The following CTNNA2 variants were observed in gnomAD, a reference collection of about 807,000 sequenced individuals.
The protein encoded by CTNNA2 is catenin alpha 2.
In CTNNA2, 42 loss-of-function variants were observed where a neutral mutation model predicts 101.0. The observed-to-expected ratio is 0.42, with a 90% confidence interval of 0.32 to 0.54. CTNNA2 has a LOEUF of 0.54. Among genes scored for constraint, CTNNA2 ranks in the 20% least tolerant of loss-of-function variants. CTNNA2 has a pLI of 0.14. For synonymous variants in CTNNA2, 450 were observed against 456.4 expected, an observed-to-expected ratio of 0.99 and a Z score of 0.18; for missense variants, 871 against 1,223.1, an observed-to-expected ratio of 0.71 and a Z score of 4.29.
At chr2:79,788,975 GTAA>G (rs1426227202) in intron 3 of CTNNA2, among the ~76,000 whole-genome samples, 2 of 152,142 alleles carry the variant, frequency 1.3e-5, no homozygotes, top group African/African-American at 4.8e-5. Flanking sequence ...ATAAACATAT[GTAA>G]TAATGATACA....
chr2:79,815,026 G>T (rs1188669617), intron 3 of CTNNA2, among the ~76,000 whole-genome samples: 1 of 152,104 alleles, frequency 6.6e-6, no homozygotes, highest in East Asian at 1.9e-4. Context: ...CTAATTATTG[G>T]TGATGTTGAG....
intron 3 of CTNNA2, among the ~76,000 whole-genome samples, chr2:79,748,800 G>A (rs1222635369): frequency 6.6e-6 from 1 of 151,954 alleles, no homozygotes; most frequent in African/African-American, 2.4e-5. Flanking sequence ...TTTTCAGTAT[G>A]AGTGGTGACT....
At chr2:79,348,883 A>T (rs1246661105) in intron 3 of CTNNA2, among the ~76,000 whole-genome samples, 1 of 152,158 alleles carries the variant, frequency 6.6e-6, no homozygotes, top group Non-Finnish European at 1.5e-5. Flanking sequence ...TCATGGTTAA[A>T]TACAAAGCAG....
Position 80,302,994 on chromosome 2 carries a change from A to G in CTNNA2, c.1057-90217A>G. On this transcript the variant is annotated intron_variant, in intron 7 of 18. Transcript: ENST00000402739. This position sits in a 1 kb window ranked among gnomAD's most constrained non-coding sequence, Gnocchi z 6.4. The stretch of plus-strand genomic sequence containing the variant: ...GACTGCAGGTGCGGCACGGTCTCGA[A>G]CACATGGGGCTCCATGTACTCGATC... 2 of 1,611,174 alleles carry G rather than the reference A, an allele frequency of 1.2e-6. No individual in the cohort carries two copies. Among genetic ancestry groups the G allele is most frequent in the Non-Finnish European group, 1.7e-6 (2 of 1,179,558 alleles).
intron 2 of CTNNA2, among the ~76,000 whole-genome samples, chr2:79,226,569 C>T (rs1413121299): frequency 6.6e-6 from 1 of 152,148 alleles, no homozygotes; most frequent in Non-Finnish European, 1.5e-5. Context: ...ACGTTGTGTT[C>T]AGGTGCCAGA....
At chr2:80,361,529 A>G (rs905081280) in intron 7 of CTNNA2, among the ~76,000 whole-genome samples, 2 of 152,106 alleles carry the variant, frequency 1.3e-5, no homozygotes, top group African/African-American at 4.8e-5. Flanking sequence ...TCTTATTTCT[A>G]AGACAACACA....
At chr2:80,312,669 A>G (rs1195121552) in intron 7 of CTNNA2, among the ~76,000 whole-genome samples, 1 of 152,250 alleles carries the variant, frequency 6.6e-6, no homozygotes, top group Non-Finnish European at 1.5e-5. Context: ...TAACAGAACC[A>G]ATTTAATTCT....
chr2:80,035,546 G>A (rs573038115), intron 7 of CTNNA2, among the ~76,000 whole-genome samples: 21 of 152,138 alleles, frequency 1.4e-4, no homozygotes, highest in Non-Finnish European at 2.8e-4. Context: ...AGTTCACCCA[G>A]TGTATTTGTA....
intron 9 of CTNNA2, among the ~76,000 whole-genome samples, chr2:80,434,275 T>C (rs1432117309): frequency 6.6e-6 from 1 of 152,182 alleles, no homozygotes; most frequent in Non-Finnish European, 1.5e-5. Context: ...ACTTATCGCT[T>C]CTACAACAAC....
intron 7 of CTNNA2, among the ~76,000 whole-genome samples, chr2:80,069,274 G>C (rs1467855108): frequency 6.6e-6 from 1 of 152,080 alleles, no homozygotes; most frequent in African/African-American, 2.4e-5. Context: ...TCAGACTACC[G>C]ATTCAAATGC....
chr2:79,662,114 C>G (rs370453153), intron 2 of CTNNA2, among the ~76,000 whole-genome samples: 10 of 151,640 alleles, frequency 6.6e-5, no homozygotes, highest in East Asian at 6.0e-4. Context: ...GATTTAGTAC[C>G]TTTTCTTGTT....
At chr2:79,215,228 T>C (rs1004402870) in intron 2 of CTNNA2, among the ~76,000 whole-genome samples, 8 of 152,142 alleles carry the variant, frequency 5.3e-5, no homozygotes, top group Admixed American at 2.6e-4. Flanking sequence ...AGGAGGAATC[T>C]TGGGCTGTGG....
chr2:79,373,874 G>C (rs1901337), exon 4 of CTNNA2: 115,288 of 151,992 alleles, frequency 0.76, 43,990 homozygotes, highest in Admixed American at 0.79. Context: ...CCAGCCTGGA[G>C]TCACAGAGAT....
intron 7 of CTNNA2, among the ~76,000 whole-genome samples, chr2:80,198,332 G>A (rs912396599): frequency 6.6e-6 from 1 of 152,128 alleles, no homozygotes; most frequent in African/African-American, 2.4e-5. Context: ...CTACAGAAAG[G>A]AGATTGCTTT....
chr2:79,392,527 A>C (rs895399852), intron 4 of CTNNA2, among the ~76,000 whole-genome samples: 18 of 152,316 alleles, frequency 1.2e-4, no homozygotes, highest in Non-Finnish European at 1.8e-4. Context: ...AGTCGTTTTC[A>C]TCATTTAATC....
rs1368425325 is a variant in CTNNA2, at chr2:79,626,613, GTGTGTA to G, written c.-5-24933_-5-24928del. Among the ~76,000 whole-genome samples the G allele has an allele frequency of 3.7e-3, 426 of 116,548 alleles. 1 individual carries two copies. Among genetic ancestry groups the G allele is most frequent in the African/African-American group, 0.014 (392 of 27,042 alleles). The allele number at this position is 116,548 out of a possible 152,430, so 76.5% of individuals were successfully genotyped here. ...TGCATGTATGTGTATGTGCGTGTGT[GTGTGTA>G]TGTGTGTGTGTGTGTGTGTGTGTGT... On this transcript the variant is annotated intron_variant, in intron 1 of 18. Transcript: ENST00000402739.
intron 4 of CTNNA2, among the ~76,000 whole-genome samples, chr2:79,388,803 A>G (rs1003249245): frequency 2.7e-5 from 4 of 149,176 alleles, no homozygotes; most frequent in Non-Finnish European, 5.9e-5. Flanking sequence ...TAATTTTTTT[A>G]TTATTTTGCT....
In CTNNA2 at chr2:80,193,211, A is replaced by G. The variant is rs116506220; in HGVS notation, c.1057-200000A>G. 3.7e-3 allele frequency among the ~76,000 whole-genome samples: 556 copies of G among 152,320 alleles called. 2 individuals are homozygous for G. The highest frequency in any genetic ancestry group is 0.013 in the African/African-American group (532 of 41,586). On this transcript the variant is annotated intron_variant, in intron 7 of 18. Coordinates refer to ENST00000402739, the MANE Select transcript of CTNNA2 (RefSeq NM_001282597.3). ...AACTGAATGTTCATTCATATCAACC[A>G]ATGAGAAATATTAGTTCTTAATTAT...
chr2:79,315,097 C>T (rs2104403767), intron 3 of CTNNA2, among the ~76,000 whole-genome samples: 1 of 152,228 alleles, frequency 6.6e-6, no homozygotes, highest in South Asian at 2.1e-4. Flanking sequence ...GGCTCTCCTT[C>T]CCTCTTGTTT....
Sources: allele counts gnomAD v4.1 joint callset (sites outside exome capture counted in the v4.1 genomes callset), GRCh38; gene constraint gnomAD v4.1.1; non-coding constraint Gnocchi (gnomAD v3.1); transcripts MANE v1.5; gene names NCBI Gene and HGNC (gene_info 2026-07-23, HGNC 2026-07-21).